Variants in ZNF516 observed in about 807,000 individuals in gnomAD.
ZNF516 encodes zinc finger protein 516.
Under a neutral mutation model 79.7 loss-of-function variants are expected in ZNF516, and 19 were observed. The ratio of observed to expected loss-of-function variants is 0.24; its 90% confidence interval spans 0.17 to 0.35. The LOEUF is 0.35. Ranked by LOEUF, ZNF516 falls within the 10% of genes least tolerant of loss-of-function variation. The pLI, the probability that ZNF516 is intolerant of heterozygous loss-of-function variation, is 1.00. For missense variants in ZNF516, 1,678 were observed against 1,679.5 expected, an observed-to-expected ratio of 1.00 and a Z score of 0.02; for synonymous variants, 877 against 739.5, an observed-to-expected ratio of 1.19 and a Z score of -3.02.
rs983215262 is a variant in ZNF516 at position 76,379,365 on chromosome 18, C to T, written c.2749G>A (p.Val917Met). Residue 917 changes from valine to methionine, a missense_variant, in exon 4 of 7, where the codon GTG (valine) becomes ATG (methionine). Val to Met is a conservative substitution (Grantham distance 21). Transcript: ENST00000443185. ...KPRQEASSKPVPAPGGGGFSR... is the reference protein window; with the variant it reads ...KPRQEASSKPMPAPGGGGFSR... Reference sequence around the variant, plus strand: ...AAGCCCCCGCCACCCGGGGCAGGCACCGGTTTGGAGCTAGCCTCCTGCCTG... The same window carrying T: ...AAGCCCCCGCCACCCGGGGCAGGCATCGGTTTGGAGCTAGCCTCCTGCCTG... The T allele has an allele frequency of 6.3e-7, 1 of 1,594,976 alleles. No individual in the cohort carries two copies.
intron 6 of ZNF516, among the ~76,000 whole-genome samples, chr18:76,363,500 T>C (rs951898143): frequency 1.9e-4 from 29 of 152,282 alleles, no homozygotes; most frequent in Admixed American, 1.8e-3. Context: ...CATCTACCAG[T>C]TGGCATGTAG....
chr18:76,437,521 T>C (rs80118268), intron 3 of ZNF516, among the ~76,000 whole-genome samples: 1,934 of 152,192 alleles, frequency 0.013, 47 homozygotes, highest in African/African-American at 0.045. Context: ...CAAGCACTTT[T>C]TTTATTCTAT....
At chr18:76,432,442 G>A (rs946070756) in intron 3 of ZNF516, among the ~76,000 whole-genome samples, 3 of 152,222 alleles carry the variant, frequency 2.0e-5, no homozygotes, top group African/African-American at 7.2e-5. Context: ...TTGTGCAAAG[G>A]GCCAGCACCG....
intron 3 of ZNF516, among the ~76,000 whole-genome samples, chr18:76,396,301 G>A (rs2075145565): frequency 1.3e-5 from 2 of 152,122 alleles, no homozygotes; most frequent in South Asian, 4.1e-4. Flanking sequence ...AAAGCAAACA[G>A]CCTCTATCCA....
At chr18:76,477,199 G>C (rs749533377) in intron 1 of ZNF516, among the ~76,000 whole-genome samples, 1 of 152,242 alleles carries the variant, frequency 6.6e-6, no homozygotes, top group East Asian at 1.9e-4. Flanking sequence ...CAAAAGTCTG[G>C]TAAGTTTTCT....
chr18:76,426,402 G>A (rs1235763309), intron 3 of ZNF516, among the ~76,000 whole-genome samples: 1 of 152,046 alleles, frequency 6.6e-6, no homozygotes. Flanking sequence ...ACCAGAAAAG[G>A]TTTACTCACA....
chr18:76,416,309 A>G (rs1283980383), intron 3 of ZNF516, among the ~76,000 whole-genome samples: 1 of 152,242 alleles, frequency 6.6e-6, no homozygotes, highest in Admixed American at 6.5e-5. Context: ...CCTGGCCTTC[A>G]CCACCTTTAG....
intron 3 of ZNF516, among the ~76,000 whole-genome samples, chr18:76,438,733 T>C (rs2075777640): frequency 6.6e-6 from 1 of 152,236 alleles, no homozygotes; most frequent in South Asian, 2.1e-4. Flanking sequence ...ATGCAAATTA[T>C]TTCCAGATCC....
At chr18:76,404,794 T>C (rs1310734505) in intron 3 of ZNF516, among the ~76,000 whole-genome samples, 1 of 152,080 alleles carries the variant, frequency 6.6e-6, no homozygotes, top group Non-Finnish European at 1.5e-5. Flanking sequence ...TGTGAGCATA[T>C]GTGTGCATGT....
intron 3 of ZNF516, among the ~76,000 whole-genome samples, chr18:76,408,759 C>T (rs2075334100): frequency 6.6e-6 from 1 of 152,246 alleles, no homozygotes; most frequent in African/African-American, 2.4e-5. Context: ...ACAACTTCCA[C>T]AAAGCTGTCC....
At position 76,443,145 on chromosome 18, in the gene ZNF516, A is replaced by T. The variant is rs1211767488; in HGVS notation, c.-91T>A. 6.8e-7 allele frequency: 1 copy of T among 1,461,026 alleles called. No homozygotes were observed. The highest frequency in any genetic ancestry group is 2.7e-5 in the Admixed American group (1 of 36,394). The allele number at this position is 1,461,026 out of a possible 1,614,324, so 90.5% of individuals were successfully genotyped here. ...CTATCTCTCCATGGTCAGAAGAGCC[A>T]AAAGACGTGCCTGCTCCCAGGAGGT... On this transcript the variant is annotated 5_prime_UTR_variant, in exon 3 of 7. Coordinates refer to ENST00000443185, the MANE Select transcript of ZNF516 (RefSeq NM_014643.4).
intron 3 of ZNF516, among the ~76,000 whole-genome samples, chr18:76,406,513 AGGAT>A (rs2075306696): frequency 6.6e-6 from 1 of 152,192 alleles, no homozygotes; most frequent in Admixed American, 6.5e-5. Flanking sequence ...GCAGTGAGCC[AGGAT>A]GGCATCACTG....
In ZNF516 at chr18:76,360,883, T is replaced by TTGTGTGTGTGTGTGTC. The variant is rs1568224420; in HGVS notation, c.*1599_*1614dup. The TTGTGTGTGTGTGTGTC allele has an allele frequency of 1.3e-5, 2 of 149,540 alleles. No individual in the cohort carries two copies. Among genetic ancestry groups the TTGTGTGTGTGTGTGTC allele is most frequent in the African/African-American group, 4.9e-5 (2 of 40,696 alleles). 9.3% of individuals were successfully genotyped at this position (149,540 alleles called of 1,614,324 possible). A position where few individuals can be genotyped will look rare whatever the true frequency, so the allele number is the denominator to read the frequency against. On this transcript the variant is annotated 3_prime_UTR_variant, in exon 7 of 7. Transcript: ENST00000443185. ...CACACTTTAGGGTGTGTGTGTGTGT[T>TTGTGTGTGTGTGTGTC]TGTGTGTGTGTGTGTCTGTGTTTAA... is the stretch of plus-strand genomic sequence containing the variant.
chr18:76,464,987 C>A (rs1913371648), intron 1 of ZNF516, among the ~76,000 whole-genome samples: 1 of 152,116 alleles, frequency 6.6e-6, no homozygotes, highest in African/African-American at 2.4e-5. Context: ...CCGATGAGGG[C>A]AGCTGCACCC....
chr18:76,360,509 A>C lies in ZNF516; in HGVS notation c.*1989T>G, dbSNP rs2074514123. On this transcript the variant is annotated 3_prime_UTR_variant, in exon 7 of 7. Coordinates refer to ENST00000443185, the MANE Select transcript of ZNF516 (RefSeq NM_014643.4). ...AATGTGTCTCCGCAACTTTGCCCAA[A>C]ATAACTTTACAGAACAGTCAATTAC... is the stretch of plus-strand genomic sequence containing the variant. 1 of 151,702 alleles carries C rather than the reference A, an allele frequency of 6.6e-6. No homozygotes were observed. The highest frequency in any genetic ancestry group is 2.1e-4 in the South Asian group (1 of 4,806). The allele number at this position is 151,702 out of a possible 1,614,324, so 9.4% of individuals were successfully genotyped here.
chr18:76,484,571 G>A (rs1914721402), intron 1 of ZNF516, among the ~76,000 whole-genome samples: 1 of 152,146 alleles, frequency 6.6e-6, no homozygotes, highest in Non-Finnish European at 1.5e-5. Context: ...GAGTTTTCGT[G>A]GGTCCAAAAC....
intron 1 of ZNF516, among the ~76,000 whole-genome samples, chr18:76,478,748 C>CTTACA (rs1914320651): frequency 6.6e-6 from 1 of 152,172 alleles, no homozygotes; most frequent in South Asian, 2.1e-4. Flanking sequence ...ACATTTGCAG[C>CTTACA]TTTTCACTTA....
intron 3 of ZNF516, among the ~76,000 whole-genome samples, chr18:76,381,146 G>A (rs1361976391): frequency 2.0e-5 from 3 of 152,210 alleles, no homozygotes; most frequent in East Asian, 1.9e-4. Context: ...CCCAAGGAAC[G>A]CGTGAGACAG....
At chr18:76,413,622 C>T (rs527708333) in intron 3 of ZNF516, among the ~76,000 whole-genome samples, 10 of 152,150 alleles carry the variant, frequency 6.6e-5, no homozygotes, top group Non-Finnish European at 1.2e-4. Flanking sequence ...CCTCAGCACA[C>T]CTTAACGCCC....
Sources: gnomAD v4.1 joint callset for allele counts (sites outside exome capture counted in the v4.1 genomes callset) on GRCh38, gnomAD v4.1.1 for gene constraint, MANE v1.5 for transcripts, NCBI Gene and HGNC (gene_info 2026-07-23, HGNC 2026-07-21) for gene names.